Variants in THADA observed in about 807,000 individuals in gnomAD.
The protein encoded by THADA is THADA armadillo repeat containing.
Under a neutral mutation model 219.8 loss-of-function variants are expected in THADA, and 213 were observed. The ratio of observed to expected loss-of-function variants is 0.97; its 90% CI spans 0.87 to 1.09. THADA has a LOEUF of 1.09. THADA is among the 50% of genes least tolerant of loss of function. The pLI, the probability that THADA is intolerant of heterozygous loss-of-function variation, is 0.00. For missense variants in THADA, 2,956 were observed against 2,311.3 expected, an observed-to-expected ratio of 1.28 and a Z score of -5.72; for synonymous variants, 1,018 against 828.9, an observed-to-expected ratio of 1.23 and a Z score of -3.92.
intron 25 of THADA, among the ~76,000 whole-genome samples, chr2:43,496,556 C>T (rs927630632): frequency 1.3e-5 from 2 of 151,996 alleles, no homozygotes; most frequent in Admixed American, 6.6e-5. Flanking sequence ...CACATTTATA[C>T]GCTCAGAGTT....
At chr2:43,487,944 T>G (rs1687113016) in intron 25 of THADA, among the ~76,000 whole-genome samples, 1 of 152,200 alleles carries the variant, frequency 6.6e-6, no homozygotes, top group Non-Finnish European at 1.5e-5. Flanking sequence ...CATTACATTT[T>G]CCATTAGGTG....
At chr2:43,386,768 G>A (rs549874663) in intron 29 of THADA, among the ~76,000 whole-genome samples, 14 of 151,838 alleles carry the variant, frequency 9.2e-5, no homozygotes, top group South Asian at 4.2e-4. Context: ...CCAGTGGCGC[G>A]TGCCTGTAAT....
chr2:43,280,586 C>T (rs1000528136), intron 35 of THADA, among the ~76,000 whole-genome samples: 1 of 152,078 alleles, frequency 6.6e-6, no homozygotes, highest in Admixed American at 6.6e-5. Context: ...GAACTGAGAT[C>T]GTGCCACTGC....
chr2:43,495,683 T>C (rs1382003264), intron 25 of THADA, among the ~76,000 whole-genome samples: 1 of 152,144 alleles, frequency 6.6e-6, no homozygotes, highest in Non-Finnish European at 1.5e-5. Flanking sequence ...GTTGGACGAA[T>C]CACCAGGCTT....
chr2:43,421,113 CT>C, intron 28 of THADA, among the ~76,000 whole-genome samples: 1 of 152,294 alleles, frequency 6.6e-6, no homozygotes, highest in Non-Finnish European at 1.5e-5. Flanking sequence ...GAAGATAACA[CT>C]GGGGGCATTT....
intron 36 of THADA, among the ~76,000 whole-genome samples, chr2:43,234,209 G>C (rs1402841746): frequency 6.6e-6 from 1 of 152,250 alleles, no homozygotes; most frequent in East Asian, 1.9e-4. Flanking sequence ...CAAGTTTCAT[G>C]GTGCATGCAA....
rs74459771 is a variant in THADA, at chr2:43,276,421, C to T, written c.5296+3344G>A. The stretch of plus-strand genomic sequence containing the variant: ...ATAAGAAATCTGTTCTCAGGAGGGC[C>T]GGCTAACCATGGCATTATTTTCTCC... On this transcript the variant is annotated intron_variant, in intron 36 of 37. Transcript: ENST00000405975. 3.3e-5 allele frequency among the ~76,000 whole-genome samples: 5 copies of T among 152,232 alleles called. No individual in the cohort carries two copies. In the East Asian group the frequency reaches 5.8e-4, roughly 18 times the overall value.
intron 21 of THADA, among the ~76,000 whole-genome samples, chr2:43,535,401 C>T (rs181049897): frequency 6.6e-6 from 1 of 151,396 alleles, no homozygotes; most frequent in East Asian, 1.9e-4. Flanking sequence ...TTTTCCCAGG[C>T]CAGGCGGTGG....
chr2:43,496,608 C>G (rs1688307325), intron 25 of THADA, among the ~76,000 whole-genome samples: 1 of 151,306 alleles, frequency 6.6e-6, no homozygotes, highest in African/African-American at 2.4e-5. Flanking sequence ...TAGGGAAATG[C>G]AAATCAAAAT....
intron 31 of THADA, among the ~76,000 whole-genome samples, chr2:43,296,848 C>T (rs1013119061): frequency 3.4e-5 from 5 of 149,084 alleles, no homozygotes; most frequent in African/African-American, 1.3e-4. Flanking sequence ...AACGGCCGCC[C>T]GGGAGGCAGC....
chr2:43,386,174 A>C (rs1281640414), intron 29 of THADA, among the ~76,000 whole-genome samples: 1 of 152,234 alleles, frequency 6.6e-6, no homozygotes, highest in African/African-American at 2.4e-5. Context: ...AGGATGAAGC[A>C]GGAAGGCAAC....
In THADA at chr2:43,581,894, A is replaced by G; in HGVS notation, c.568T>C (p.Leu190=). 6.3e-7 allele frequency: 1 copy of G among 1,586,248 alleles called. No individual in the cohort carries two copies. The highest frequency in any genetic ancestry group is 8.5e-7 in the Non-Finnish European group (1 of 1,170,564). Reference sequence around the variant, plus strand: ...ATGCCTACCAGTAAGTCATTCATCAACTGTGTTTGAATAATATGATTTCCA... The same window carrying G: ...ATGCCTACCAGTAAGTCATTCATCAGCTGTGTTTGAATAATATGATTTCCA... ...CAGNHIIQTQ[L]MNDLLVGIRV... The change falls in exon 8 of 38, where the codon TTG becomes CTG. Residue 190 remains leucine, a synonymous_variant. Coordinates refer to ENST00000405975, the MANE Select transcript of THADA (RefSeq NM_022065.5).
intron 30 of THADA, chr2:43,343,185 A>T (rs1667243030): frequency 6.6e-6 from 1 of 151,936 alleles, no homozygotes; most frequent in South Asian, 2.1e-4. Flanking sequence ...GCACCACCAT[A>T]CCTGGCTAAT....
At chr2:43,560,053 G>A (rs1558972315) in intron 16 of THADA, among the ~76,000 whole-genome samples, 181 bp downstream of exon 16, 1 of 152,120 alleles carries the variant, frequency 6.6e-6, no homozygotes, top group Non-Finnish European at 1.5e-5. Flanking sequence ...TTTACTTTTT[G>A]ATATTTCCTC....
intron 19 of THADA, among the ~76,000 whole-genome samples, chr2:43,549,968 CATTATGTA>C (rs201343066): frequency 0.083 from 12,613 of 152,192 alleles, 592 homozygotes; most frequent in South Asian, 0.14. Flanking sequence ...CTTTGAAACA[CATTATGTA>C]ATATACTGCT....
chr2:43,414,842 C>A (rs1250350823), intron 28 of THADA, among the ~76,000 whole-genome samples: 1 of 151,988 alleles, frequency 6.6e-6, no homozygotes, highest in Non-Finnish European at 1.5e-5. Context: ...TGGGAGGGCA[C>A]AAAGACAAGC....
intron 21 of THADA, among the ~76,000 whole-genome samples, chr2:43,532,684 AC>A (rs1173438414): frequency 6.6e-6 from 1 of 152,172 alleles, no homozygotes; most frequent in Non-Finnish European, 1.5e-5. Flanking sequence ...CCCTTTGAAA[AC>A]CGGCACAAGA....
At chr2:43,352,327 G>T (rs1392864466) in intron 29 of THADA, among the ~76,000 whole-genome samples, 1 of 152,166 alleles carries the variant, frequency 6.6e-6, no homozygotes, top group African/African-American at 2.4e-5. Flanking sequence ...GGAGGCCGAG[G>T]TAAGTGGATC....
At chr2:43,461,079 A>G (rs1683587558) in intron 26 of THADA, among the ~76,000 whole-genome samples, 1 of 152,186 alleles carries the variant, frequency 6.6e-6, no homozygotes, top group Non-Finnish European at 1.5e-5. Context: ...CGTAGAAAGT[A>G]GGCTGGACTG....
Sources: allele counts gnomAD v4.1 joint callset (sites outside exome capture counted in the v4.1 genomes callset), GRCh38; gene constraint gnomAD v4.1.1; transcripts MANE v1.5; gene names NCBI Gene and HGNC (gene_info 2026-07-23, HGNC 2026-07-21).